Variants in CEP170B observed in about 807,000 individuals in gnomAD.
CEP170B encodes centrosomal protein 170B.
Under a neutral mutation model 120.6 loss-of-function variants are expected in CEP170B, and 55 were observed. The observed-to-expected ratio is 0.46, with a 90% CI of 0.37 to 0.57. The LOEUF is 0.57. CEP170B is among the 20% of genes least tolerant of loss of function. The probability of loss-of-function intolerance (pLI) is 0.00; values close to 1 mark genes in which losing one functional copy is unlikely to be tolerated. For synonymous variants in CEP170B, 1,033 were observed against 954.5 expected, an observed-to-expected ratio of 1.08 and a Z score of -1.52; for missense variants, 2,212 against 2,253.3, an observed-to-expected ratio of 0.98 and a Z score of 0.37.
chr14:104,880,883 C>T (rs757381816), intron 6 of CEP170B, among the ~76,000 whole-genome samples: 17 of 151,576 alleles, frequency 1.1e-4, no homozygotes, highest in Middle Eastern at 3.4e-3. Context: ...ACCCACATCC[C>T]TCACCTCTTA....
Position 104,886,286 on chromosome 14 carries a change from G to T in CEP170B, c.2047G>T (p.Gly683Ter). 6.5e-7 allele frequency: 1 copy of T among 1,540,550 alleles called. No individual in the cohort carries two copies. The highest frequency in any genetic ancestry group is 8.7e-7 in the Non-Finnish European group (1 of 1,149,302). ...TTTGTGCTCCACAGAGGATGGCCTG[G>T]GACGTAGAGGCGGGGAGCCGGAGGG... ...SDPGLTEDGL[G>*]RRGGEPEGSL... The change falls in exon 12 of 19, where the codon GGA becomes TGA. Residue 683 changes from glycine to a stop codon, truncating the protein, a stop_gained. Transcript: ENST00000414716. LOFTEE classifies it high-confidence loss of function.
Position 104,868,419 on chromosome 14 carries a change from C to G in CEP170B, c.-27-5C>G. On this transcript the variant is annotated splice_region_variant and splice_polypyrimidine_tract_variant and intron_variant, in intron 1 of 18. Coordinates refer to ENST00000414716, the MANE Select transcript of CEP170B (RefSeq NM_001112726.3). The surrounding 1 kb of genome is among the most constrained non-coding windows in gnomAD (Gnocchi z 5.9). ...GCCCCACTCTAACAATCCCCTCTTC[C>G]CCAGGGCCAGACGGGCCCAGCCAGC... 1 of 1,541,922 alleles carries G rather than the reference C, an allele frequency of 6.5e-7. No individual in the cohort carries two copies. Among genetic ancestry groups the G allele is most frequent in the Non-Finnish European group, 8.8e-7 (1 of 1,142,046 alleles).
At position 104,870,941 on chromosome 14, in the gene CEP170B, C is replaced by T. The variant is rs1194889622; in HGVS notation, c.105+2386C>T. On this transcript the variant is annotated intron_variant, in intron 2 of 18. Coordinates refer to ENST00000414716, the MANE Select transcript of CEP170B (RefSeq NM_001112726.3). The surrounding 1 kb of genome is among the most constrained non-coding windows in gnomAD (Gnocchi z 4.1). ...GCGGCCTCCTACCTGCCCACCGCTGCCCCCTGCCGGCCTCTGTCACCCCTC... is the reference window on the plus strand; with the variant it reads ...GCGGCCTCCTACCTGCCCACCGCTGTCCCCTGCCGGCCTCTGTCACCCCTC... 6.6e-6 allele frequency among the ~76,000 whole-genome samples: 1 copy of T among 152,052 alleles called. No individual in the cohort carries two copies. The highest frequency in any genetic ancestry group is 2.4e-5 in the African/African-American group (1 of 41,384).
rs766798081 is a variant in CEP170B, at chr14:104,867,493, C to A, written c.-27-931C>A. On this transcript the variant is annotated intron_variant, in intron 1 of 18. Transcript: ENST00000414716. This position sits in a 1 kb window ranked among gnomAD's most constrained non-coding sequence, Gnocchi z 5.4. ...TGGTCACAGCTGGCTTAGCCCAGGC[C>A]GCCTAGCCCATAGCAGCACTCAGGA... Among the ~76,000 whole-genome samples, 1 of 152,172 alleles carries A rather than the reference C, an allele frequency of 6.6e-6. No homozygotes were observed. Among genetic ancestry groups the A allele is most frequent in the African/African-American group, 2.4e-5 (1 of 41,446 alleles).
At chr14:104,888,001 G>A (rs1182371082) in intron 12 of CEP170B, 23 bp downstream of exon 12, 6 of 1,464,796 alleles carry the variant, frequency 4.1e-6, no homozygotes, top group Non-Finnish European at 5.4e-6. Context: ...GCGGGTGGGA[G>A]GCCAGGGCCA....
In CEP170B at chr14:104,872,176, CGTGTGTGTGCT is replaced by C. The variant is rs371931449; in HGVS notation, c.105+3632_105+3642del. ...TGTGCGTGTGTGCCGCGTGTGTGTG[CGTGTGTGTGCT>C]GTGTGTGTGCCGTGGGTGTGCGTGT... On this transcript the variant is annotated intron_variant, in intron 2 of 18. Coordinates refer to ENST00000414716, the MANE Select transcript of CEP170B (RefSeq NM_001112726.3). Among the ~76,000 whole-genome samples the C allele has an allele frequency of 4.6e-3, 595 of 129,832 alleles. 8 individuals are homozygous for C. The highest frequency in any genetic ancestry group is 0.016 in the African/African-American group (552 of 33,684). 85.2% of individuals were successfully genotyped at this position (129,832 alleles called of 152,430 possible).
upstream of CEP170B, chr14:104,865,265 C>A (rs1048770733): frequency 2.1e-5 from 3 of 145,604 alleles, no homozygotes; most frequent in Non-Finnish European, 4.6e-5. This position sits in a 1 kb window ranked among gnomAD's most constrained non-coding sequence, Gnocchi z 6.7. Flanking sequence ...CTGAGCCTCC[C>A]GCAGACGTCA....
In CEP170B at chr14:104,889,659, G is replaced by C. The variant is rs778035391; in HGVS notation, c.3779G>C (p.Arg1260Pro). 2 of 1,611,936 alleles carry C rather than the reference G, an allele frequency of 1.2e-6. No homozygotes were observed. The highest frequency in any genetic ancestry group is 1.7e-6 in the Non-Finnish European group (2 of 1,179,736). Reference sequence around the variant, plus strand: ...AGGGCTGGCAGCTCCAGCCGGGCTCGTTCCCGGGCCCCCGGCCCCCGGGAC... The same window carrying C: ...AGGGCTGGCAGCTCCAGCCGGGCTCCTTCCCGGGCCCCCGGCCCCCGGGAC... The part of the protein sequence containing the change: ...TPRAGSSSRA[R>P]SRAPGPRDTD... Residue 1260 changes from arginine to proline, a missense_variant, in exon 13 of 19, where the codon CGT (arginine) becomes CCT (proline). This residue lies in a region of CEP170B where 2,166 missense variants were observed against 2,166.7 expected (regional missense o/e 1.00). Coordinates refer to ENST00000414716, the MANE Select transcript of CEP170B (RefSeq NM_001112726.3).
rs773635441 is a variant in CEP170B at position 104,893,688 on chromosome 14, C to T, written c.4182+22C>T. ...GGAGGCACGGTGCCCACTACCGCCA[C>T]GGAGCTGGGTGTGGGGGGAGCAGGG... On this transcript the variant is annotated intron_variant, in intron 15 of 18. Coordinates refer to ENST00000414716, the MANE Select transcript of CEP170B (RefSeq NM_001112726.3). 63 of 1,583,636 alleles carry T rather than the reference C, an allele frequency of 4.0e-5. No homozygotes were observed. The African/African-American group carries it at 5.5e-4, about 14-fold the overall frequency.
chr14:104,885,198 G>A (rs769966074), intron 9 of CEP170B, among the ~76,000 whole-genome samples, 171 bp from the exon 10 acceptor site: 5 of 152,090 alleles, frequency 3.3e-5, no homozygotes, highest in African/African-American at 7.2e-5. Flanking sequence ...GGCTGGGTCC[G>A]TATCCCATCC....
In CEP170B at chr14:104,896,553, C is replaced by T. The variant is rs1595366358; in HGVS notation, c.*1595C>T. On this transcript the variant is annotated 3_prime_UTR_variant, in exon 19 of 19. Transcript: ENST00000414716. The stretch of plus-strand genomic sequence containing the variant: ...TGTTTTAAGTTCACAAGTTCCTGCT[C>T]CTCCCCACACTGAGCTCCTTTGTTC... 1 of 455,818 alleles carries T rather than the reference C, an allele frequency of 2.2e-6. No individual in the cohort carries two copies. The highest frequency in any genetic ancestry group is 7.0e-5 in the East Asian group (1 of 14,360). The allele number at this position is 455,818 out of a possible 1,614,324, so 28.2% of individuals were successfully genotyped here. A position where few individuals can be genotyped will look rare whatever the true frequency, so the allele number is the denominator to read the frequency against.
chr14:104,888,106 A>C (rs1896619809), intron 12 of CEP170B, 128 bp downstream of exon 12: 1 of 1,069,728 alleles, frequency 9.3e-7, no homozygotes, highest in Non-Finnish European at 1.3e-6. Context: ...CTCTGTTCCC[A>C]AAGCTGGGGT....
Position 104,883,971 on chromosome 14 carries a change from C to T in CEP170B, c.1192C>T (p.Leu398=), listed in dbSNP as rs1896307501. 1.9e-6 allele frequency: 3 copies of T among 1,609,676 alleles called. No homozygotes were observed. The highest frequency in any genetic ancestry group is 2.5e-6 in the Non-Finnish European group (3 of 1,178,392). The change falls in exon 9 of 19, where the codon CTA becomes TTA. Residue 398 remains leucine, a synonymous_variant. Coordinates refer to ENST00000414716, the MANE Select transcript of CEP170B (RefSeq NM_001112726.3). ...GATCAAGCGGGACCCCCAGGAGCTACTACATAACCAGCAGGCCTTTGTCAT... is the reference window on the plus strand; with the variant it reads ...GATCAAGCGGGACCCCCAGGAGCTATTACATAACCAGCAGGCCTTTGTCAT... ...RQIKRDPQEL[L]HNQQAFVIEF...
chr14:104,869,183 G>A (rs72700150), intron 2 of CEP170B, among the ~76,000 whole-genome samples: 4,381 of 152,282 alleles, frequency 0.029, 79 homozygotes, highest in Middle Eastern at 0.078. Flanking sequence ...CAAAGAGCAG[G>A]GGTGGTGAGC....
chr14:104,889,528 G>C, intron 12 of CEP170B, 92 bp from the exon 13 acceptor site: 2 of 1,589,976 alleles, frequency 1.3e-6, no homozygotes, highest in Non-Finnish European at 1.7e-6. Flanking sequence ...CGAGGCGCCG[G>C]CAGCAGGGCT....
At chr14:104,872,347 T>C (rs1166389869) in intron 2 of CEP170B, among the ~76,000 whole-genome samples, 10 of 131,814 alleles carry the variant, frequency 7.6e-5, no homozygotes, top group Non-Finnish European at 1.3e-4. Flanking sequence ...TGCGTGTGTG[T>C]GCGTGTGTGT....
At chr14:104,879,484 G>A (rs979371638) in intron 5 of CEP170B, among the ~76,000 whole-genome samples, 1 of 152,146 alleles carries the variant, frequency 6.6e-6, no homozygotes, top group Non-Finnish European at 1.5e-5. Context: ...AAGGTCTTAG[G>A]CTGAGGGTTT....
At chr14:104,894,624 CT>C (rs1401328779) in intron 18 of CEP170B, 36 bp downstream of exon 18, 1 of 1,602,124 alleles carries the variant, frequency 6.2e-7, no homozygotes, top group East Asian at 2.2e-5. Flanking sequence ...GCAAGGGAGG[CT>C]GGCAGGGCCT....
intron 4 of CEP170B, 128 bp downstream of exon 4, chr14:104,878,091 C>T: frequency 1.3e-6 from 1 of 758,548 alleles, no homozygotes. Flanking sequence ...CAAGGATGAC[C>T]CTAGGGCTGG....
Sources: allele counts gnomAD v4.1 joint callset (sites outside exome capture counted in the v4.1 genomes callset), GRCh38; gene constraint gnomAD v4.1.1; regional missense constraint gnomAD v4.1.1; non-coding constraint Gnocchi (gnomAD v3.1); transcripts MANE v1.5; gene names NCBI Gene and HGNC (gene_info 2026-07-23, HGNC 2026-07-21).